Variants in NBPF19 observed in about 807,000 individuals in gnomAD.
NBPF19 encodes the protein NBPF family member NBPF19.
Under a neutral mutation model 45.9 loss-of-function variants are expected in NBPF19, and 30 were observed. The ratio of observed to expected loss-of-function variants is 0.65; its 90% CI spans 0.49 to 0.89. The LOEUF (loss-of-function observed/expected upper bound fraction) is 0.89. Ranked by LOEUF, NBPF19 falls within the 40% of genes least tolerant of loss-of-function variation. NBPF19 has a pLI of 0.00. For synonymous variants in NBPF19, 183 were observed against 181.2 expected, an observed-to-expected ratio of 1.01 and a Z score of -0.08; for missense variants, 495 against 471.8, an observed-to-expected ratio of 1.05 and a Z score of -0.46.
chr1:149,487,733 T>C (rs1235710644), intron 9 of NBPF19, among the ~76,000 whole-genome samples: 1 of 150,126 alleles, frequency 6.7e-6, no homozygotes, highest in Non-Finnish European at 1.5e-5. Flanking sequence ...GTCCTTTGAC[T>C]CCCTCATCAG....
intron 15 of NBPF19, among the ~76,000 whole-genome samples, chr1:149,492,555 GTC>G (rs1284064788): frequency 7.2e-5 from 9 of 125,394 alleles, no homozygotes; most frequent in African/African-American, 9.0e-5. Flanking sequence ...CTCTGTCTCT[GTC>G]TCTCTCTCTC....
At chr1:149,487,674 T>C (rs1216963513) in intron 9 of NBPF19, among the ~76,000 whole-genome samples, 3 of 150,212 alleles carry the variant, frequency 2.0e-5, no homozygotes, top group African/African-American at 4.9e-5. Context: ...GAGGACATGC[T>C]TTTCATGATC....
intron 17 of NBPF19, among the ~76,000 whole-genome samples, chr1:149,494,009 G>T (rs1337416835): frequency 1.2e-3 from 115 of 93,646 alleles, no homozygotes; most frequent in South Asian, 2.4e-3. Flanking sequence ...ACTGTTCGCT[G>T]TGTGTCCCGA....
chr1:149,487,126 C>A (rs3934185), intron 8 of NBPF19, among the ~76,000 whole-genome samples: 1 of 150,186 alleles, frequency 6.7e-6, no homozygotes, highest in East Asian at 1.9e-4. Flanking sequence ...AACATTCCAA[C>A]ACAGGGGAAT....
intron 93 of NBPF19, among the ~76,000 whole-genome samples, 175 bp from the exon 94 acceptor site, chr1:149,554,320 C>G (rs1423659376): frequency 6.6e-6 from 1 of 151,856 alleles, no homozygotes; most frequent in Non-Finnish European, 1.5e-5. Flanking sequence ...TCATTGTTTT[C>G]TACCTGGCCC....
intron 7 of NBPF19, among the ~76,000 whole-genome samples, chr1:149,483,715 A>G (rs1283770712): frequency 8.2e-5 from 8 of 97,192 alleles, no homozygotes; most frequent in Non-Finnish European, 1.7e-4. Context: ...AGCTCTTGTA[A>G]GGCAGGCCTG....
rs1181496308 is a variant in NBPF19 at position 149,491,209 on chromosome 1, A to G, written c.1561A>G (p.Thr521Ala). The change falls in exon 14 of 94, where the codon ACT (threonine) becomes GCT (alanine). Residue 521 changes from threonine to alanine, a missense_variant. This residue lies in a region of NBPF19 where 146 missense variants were observed against 67.3 expected (regional missense o/e 2.17). Coordinates refer to ENST00000651566, the MANE Select transcript of NBPF19 (RefSeq NM_001351365.2). Reference protein sequence around the residue: ...LQDSLDRCYSTPSSCLEQPDS... With the variant: ...LQDSLDRCYSAPSSCLEQPDS... The stretch of plus-strand genomic sequence containing the variant: ...GGACTCACTGGATAGATGTTATTCA[A>G]CTCCTTCCAGTTGTCTTGAACAGCC... 3.5e-6 allele frequency: 1 copy of G among 286,450 alleles called. No individual in the cohort carries two copies. The highest frequency in any genetic ancestry group is 5.8e-6 in the Non-Finnish European group (1 of 171,172). 17.7% of individuals were successfully genotyped at this position (286,450 alleles called of 1,614,324 possible).
In NBPF19 at chr1:149,483,522, C is replaced by T. The variant is rs1336878400; in HGVS notation, c.824+1296C>T. 5.6e-5 allele frequency among the ~76,000 whole-genome samples: 8 copies of T among 143,416 alleles called. 1 individual carries two copies. Among genetic ancestry groups the T allele is most frequent in the Non-Finnish European group, 9.2e-5 (6 of 64,962 alleles). 94.1% of individuals were successfully genotyped at this position (143,416 alleles called of 152,430 possible). On this transcript the variant is annotated intron_variant, in intron 7 of 93. Coordinates refer to ENST00000651566, the MANE Select transcript of NBPF19 (RefSeq NM_001351365.2). ...GTGTTTTTTAACTGGGGCATTTAGC[C>T]CATTTACATTTAAGGTTAATATTGT... is the stretch of plus-strand genomic sequence containing the variant.
chr1:149,486,556 G>T (rs1408886919), intron 8 of NBPF19, among the ~76,000 whole-genome samples: 2 of 151,408 alleles, frequency 1.3e-5, no homozygotes, highest in East Asian at 1.9e-4. Flanking sequence ...CTCAAGGCAG[G>T]TGTGGCAAAC....
chr1:149,487,366 A>G lies in NBPF19; in HGVS notation c.1023A>G (p.Gln341=). The G allele has an allele frequency of 6.4e-7, 1 of 1,553,908 alleles. No individual in the cohort carries two copies. Among genetic ancestry groups the G allele is most frequent in the Non-Finnish European group, 8.8e-7 (1 of 1,138,586 alleles). ...GGGATCAAGTGAAAAAGGAGGACCAAGAGGCAACAGGTCCCAGGTGAGTCT... is the reference window on the plus strand; with the variant it reads ...GGGATCAAGTGAAAAAGGAGGACCAGGAGGCAACAGGTCCCAGGTGAGTCT... The part of the protein sequence containing the change: ...HRWDQVKKED[Q]EATGPRLSRE... The change falls in exon 9 of 94, where the codon CAA becomes CAG. Residue 341 remains glutamine, a synonymous_variant. Transcript: ENST00000651566.
At chr1:149,487,074 C>T (rs2085567424) in intron 8 of NBPF19, among the ~76,000 whole-genome samples, 1 of 150,942 alleles carries the variant, frequency 6.6e-6, no homozygotes, top group South Asian at 2.1e-4. Context: ...AAAAATTGCT[C>T]ATTTGTGTAC....
At position 149,556,071 on chromosome 1, in the gene NBPF19, C is replaced by T. The variant is rs1370249159; in HGVS notation, c.*1333C>T. 1 of 146,700 alleles carries T rather than the reference C, an allele frequency of 6.8e-6. No homozygotes were observed. Among genetic ancestry groups the T allele is most frequent in the East Asian group, 2.0e-4 (1 of 4,980 alleles). The allele number at this position is 146,700 out of a possible 1,614,324, so 9.1% of individuals were successfully genotyped here. ...TCTAAACATTTTATCATTTATTAAT[C>T]CTCCCTGCCTGTGTCTATTATTATA... is the stretch of plus-strand genomic sequence containing the variant. On this transcript the variant is annotated 3_prime_UTR_variant, in exon 94 of 94. Coordinates refer to ENST00000651566, the MANE Select transcript of NBPF19 (RefSeq NM_001351365.2).
chr1:149,479,816 G>A (rs1406349184), intron 4 of NBPF19, among the ~76,000 whole-genome samples: 1 of 150,918 alleles, frequency 6.6e-6, no homozygotes, highest in African/African-American at 2.4e-5. Flanking sequence ...AGGACACCAA[G>A]CCTGTGCCTG....
In NBPF19 at chr1:149,488,033, A is replaced by C; in HGVS notation, c.1061A>C (p.Asp354Ala). 2 of 687,894 alleles carry C rather than the reference A, an allele frequency of 2.9e-6. No individual in the cohort carries two copies. The highest frequency in any genetic ancestry group is 3.8e-4 in the Middle Eastern group (1 of 2,614). The allele number at this position is 687,894 out of a possible 1,614,324, so 42.6% of individuals were successfully genotyped here. A position where few individuals can be genotyped will look rare whatever the true frequency, so the allele number is the denominator to read the frequency against. The change falls in exon 10 of 94, where the codon GAT becomes GCT. Residue 354 changes from aspartate (D) to alanine (A), a missense_variant. Asp to Ala is a moderately radical substitution (Grantham distance 126, BLOSUM62 -2). Coordinates refer to ENST00000651566, the MANE Select transcript of NBPF19 (RefSeq NM_001351365.2). ...TGPRLSRELL[D>A]EKGPEVLQDS... Reference sequence around the variant, plus strand: ...TCCAGGCTCAGCAGGGAGCTGCTGGATGAGAAAGGGCCTGAAGTCTTGCAG... The same window carrying C: ...TCCAGGCTCAGCAGGGAGCTGCTGGCTGAGAAAGGGCCTGAAGTCTTGCAG...
chr1:149,488,164 G>A lies in NBPF19; in HGVS notation c.1192G>A (p.Gly398Ser), dbSNP rs1369132154. The change falls in exon 10 of 94, where the codon GGC becomes AGC. Residue 398 changes from glycine to serine, a missense_variant. Around this residue, in one of 8 missense-constraint regions of NBPF19, gnomAD observed 146 missense variants for 67.3 expected, o/e 2.17. Coordinates refer to ENST00000651566, the MANE Select transcript of NBPF19 (RefSeq NM_001351365.2). ...AFYVLEQQRV[G>S]LAIDMDEIEK... ...TTACGTATTGGAGCAACAGCGTGTTGGCTTGGCTATTGACATGGATGGTGA... is the reference window on the plus strand; with the variant it reads ...TTACGTATTGGAGCAACAGCGTGTTAGCTTGGCTATTGACATGGATGGTGA... 3.0e-6 allele frequency: 2 copies of A among 674,400 alleles called. No individual in the cohort carries two copies. Among genetic ancestry groups the A allele is most frequent in the African/African-American group, 3.8e-5 (2 of 52,386 alleles). The allele number at this position is 674,400 out of a possible 1,614,324, so 41.8% of individuals were successfully genotyped here.
chr1:149,554,408 C>T (rs1273677242), intron 93 of NBPF19, 87 bp from the exon 94 acceptor site: 12 of 1,596,220 alleles, frequency 7.5e-6, no homozygotes, highest in South Asian at 6.6e-5. Context: ...TTTCTAACCA[C>T]TTCCTTATGT....
intron 2 of NBPF19, among the ~76,000 whole-genome samples, chr1:149,477,584 T>A (rs1397859292): frequency 1.3e-5 from 2 of 151,240 alleles, no homozygotes; most frequent in Non-Finnish European, 3.0e-5. Flanking sequence ...GTACAAGAAA[T>A]CACTACTTCA....
intron 9 of NBPF19, 78 bp from the exon 10 acceptor site, chr1:149,487,935 T>G (rs1286691410): frequency 1.4e-5 from 10 of 725,406 alleles, no homozygotes; most frequent in South Asian, 7.3e-5. Context: ...CTTCCTTATG[T>G]TAGCCATGAA....
intron 93 of NBPF19, 107 bp from the exon 94 acceptor site, chr1:149,554,388 T>C (rs1442085994): frequency 6.2e-6 from 10 of 1,600,870 alleles, no homozygotes; most frequent in Non-Finnish European, 8.5e-6. Context: ...AATGGATCTA[T>C]CCTTTTTCTT....
Sources: allele counts gnomAD v4.1 joint callset (sites outside exome capture counted in the v4.1 genomes callset), GRCh38; gene constraint gnomAD v4.1.1; regional missense constraint gnomAD v4.1.1; transcripts MANE v1.5; gene names NCBI Gene and HGNC (gene_info 2026-07-23, HGNC 2026-07-21).